PROSER2: variants seen among roughly 807,000 people sequenced by gnomAD.
The protein encoded by PROSER2 is proline and serine rich 2.
In PROSER2, 18 loss-of-function variants were observed where a neutral mutation model predicts 14.6. The observed-to-expected ratio is 1.23, with a 90% CI of 0.85 to 1.83. PROSER2 has a LOEUF of 1.83. Among genes scored for constraint, PROSER2 ranks in the 40% most tolerant of loss-of-function variants. PROSER2 has a pLI of 0.00. For missense variants in PROSER2, 823 were observed against 629.8 expected (o/e 1.31, Z -3.28); for synonymous variants, 367 against 286.4 (o/e 1.28, Z -2.84).
chr10:11,830,982 A>G lies in PROSER2; in HGVS notation c.-82+7512A>G, dbSNP rs1833682903. Among the ~76,000 whole-genome samples, 1 of 152,152 alleles carries G rather than the reference A, an allele frequency of 6.6e-6. No individual in the cohort carries two copies. Among genetic ancestry groups the G allele is most frequent in the Non-Finnish European group, 1.5e-5 (1 of 68,036 alleles). On this transcript the variant is annotated intron_variant, in intron 1 of 3. Transcript: ENST00000277570. This position sits in a 1 kb window ranked among gnomAD's most constrained non-coding sequence, Gnocchi z 4.5. ...CATCCATCATCTGGCTCGCAAAGGG[A>G]CTGGTGGAAGATGAGGTTAAAAGTT...
At chr10:11,854,298 C>G (rs906096808) in intron 2 of PROSER2, among the ~76,000 whole-genome samples, 5 of 152,168 alleles carry the variant, frequency 3.3e-5, no homozygotes, top group Non-Finnish European at 7.3e-5. Flanking sequence ...TAAATGACAA[C>G]TAAAGTGGTT....
intron 2 of PROSER2, among the ~76,000 whole-genome samples, chr10:11,864,388 C>G (rs1013515160): frequency 3.3e-5 from 5 of 152,102 alleles, no homozygotes; most frequent in Non-Finnish European, 7.4e-5. Flanking sequence ...TAATTAGATT[C>G]ACCAATTTTT....
intron 1 of PROSER2, chr10:11,851,348 C>T (rs1279115580): frequency 6.6e-6 from 1 of 152,178 alleles, no homozygotes; most frequent in South Asian, 2.1e-4. Context: ...ACCTGGGGTA[C>T]TTTACTTTTG....
At position 11,870,207 on chromosome 10, in the gene PROSER2, C is replaced by G; in HGVS notation, c.1109C>G (p.Pro370Arg). The change falls in exon 4 of 4, where the codon CCT (proline) becomes CGT (arginine). Residue 370 changes from proline (P) to arginine (R), a missense_variant. Physicochemically the swap from Pro to Arg is moderately radical, Grantham distance 103 (BLOSUM62 -2). Coordinates refer to ENST00000277570, the MANE Select transcript of PROSER2 (RefSeq NM_153256.4). ...APAGKSLCFR[P>R]GPALPSTRAR... ...GCTGGGAAGTCCCTCTGCTTCCGCC[C>G]TGGCCCGGCCCTGCCCAGCACGCGG... 1.3e-6 allele frequency: 2 copies of G among 1,490,678 alleles called. No individual in the cohort carries two copies. The highest frequency in any genetic ancestry group is 1.8e-6 in the Non-Finnish European group (2 of 1,127,438). The allele number at this position is 1,490,678 out of a possible 1,614,324, so 92.3% of individuals were successfully genotyped here.
At chr10:11,844,179 A>G (rs1484668710) in intron 1 of PROSER2, among the ~76,000 whole-genome samples, 1 of 152,078 alleles carries the variant, frequency 6.6e-6, no homozygotes, top group Admixed American at 6.6e-5. Flanking sequence ...TCTTATAGAG[A>G]TAAGGTCTCA....
intron 2 of PROSER2, among the ~76,000 whole-genome samples, chr10:11,855,515 G>A (rs941753089): frequency 2.6e-5 from 4 of 151,090 alleles, no homozygotes; most frequent in African/African-American, 7.3e-5. Context: ...AAAGATGAAC[G>A]CCTGATTTTA....
intron 2 of PROSER2, among the ~76,000 whole-genome samples, chr10:11,855,473 CAAA>C (rs71380787): frequency 7.8e-5 from 8 of 102,642 alleles, no homozygotes; most frequent in Non-Finnish European, 7.8e-5. Flanking sequence ...GACTCCATCT[CAAA>C]AAAAAAAAAA....
At chr10:11,864,448 GCA>G (rs935632210) in intron 2 of PROSER2, among the ~76,000 whole-genome samples, 1 of 151,964 alleles carries the variant, frequency 6.6e-6, no homozygotes, top group Non-Finnish European at 1.5e-5. Context: ...CACAACACAC[GCA>G]CACTTTATTT....
Position 11,869,199 on chromosome 10 carries a change from C to T in PROSER2, c.392-291C>T, listed in dbSNP as rs772104537. ...CACTACTTGCGTCCTGTCCCAGCCT[C>T]AGGGGCTGGAGCCTCAGCAGCCCAC... is the stretch of plus-strand genomic sequence containing the variant. On this transcript the variant is annotated intron_variant, in intron 3 of 3. Coordinates refer to ENST00000277570, the MANE Select transcript of PROSER2 (RefSeq NM_153256.4). This position sits in a 1 kb window ranked among gnomAD's most constrained non-coding sequence, Gnocchi z 4.4. Among the ~76,000 whole-genome samples the T allele has an allele frequency of 2.8e-4, 43 of 152,200 alleles. No individual in the cohort carries two copies. The highest frequency in any genetic ancestry group is 1.0e-4 in the Non-Finnish European group (7 of 68,038).
chr10:11,867,312 G>A (rs948606829), intron 3 of PROSER2, among the ~76,000 whole-genome samples: 4 of 148,394 alleles, frequency 2.7e-5, no homozygotes, highest in Admixed American at 2.7e-4. Flanking sequence ...CATAAGCAGA[G>A]TTTACATTTT....
At chr10:11,859,679 C>G (rs1834197098) in intron 2 of PROSER2, among the ~76,000 whole-genome samples, 1 of 152,220 alleles carries the variant, frequency 6.6e-6, no homozygotes, top group Non-Finnish European at 1.5e-5. Context: ...CTCCCGCCTC[C>G]AAGGACCACC....
rs149062305 is a variant in PROSER2, at chr10:11,867,074, C to T, written c.391+291C>T. On this transcript the variant is annotated intron_variant, in intron 3 of 3. Coordinates refer to ENST00000277570, the MANE Select transcript of PROSER2 (RefSeq NM_153256.4). The stretch of plus-strand genomic sequence containing the variant: ...GGTCAGGAGATTGAGACCATCCTGA[C>T]TAACACAGTGAAACCCCGTCTCTAC... Among the ~76,000 whole-genome samples, 799 of 151,930 alleles carry T rather than the reference C, an allele frequency of 5.3e-3. 11 individuals are homozygous for T. The highest frequency in any genetic ancestry group is 0.018 in the African/African-American group (761 of 41,444).
At chr10:11,855,310 A>G (rs1379157945) in intron 2 of PROSER2, among the ~76,000 whole-genome samples, 1 of 150,860 alleles carries the variant, frequency 6.6e-6, no homozygotes, top group East Asian at 2.0e-4. Context: ...CGTCTCTACT[A>G]AAAATACAAA....
At chr10:11,855,402 AG>A (rs1247707248) in intron 2 of PROSER2, among the ~76,000 whole-genome samples, 2 of 146,758 alleles carry the variant, frequency 1.4e-5, no homozygotes, top group Non-Finnish European at 3.0e-5. Flanking sequence ...TGAACCCGGG[AG>A]GCGGAGCTTG....
rs1245315705 is a variant in PROSER2, at chr10:11,838,892, C to A, written c.-81-13105C>A. Among the ~76,000 whole-genome samples, 1 of 152,136 alleles carries A rather than the reference C, an allele frequency of 6.6e-6. No individual in the cohort carries two copies. Among genetic ancestry groups the A allele is most frequent in the Non-Finnish European group, 1.5e-5 (1 of 68,024 alleles). On this transcript the variant is annotated intron_variant, in intron 1 of 3. Coordinates refer to ENST00000277570, the MANE Select transcript of PROSER2 (RefSeq NM_153256.4). The surrounding 1 kb of genome is among the most constrained non-coding windows in gnomAD (Gnocchi z 4.4). ...ATATTCTAGCTATCAATTCCTTATA[C>A]GTATTAGACATAGTACATATCTTCT...
At position 11,869,957 on chromosome 10, in the gene PROSER2, GCCA is replaced by G; in HGVS notation, c.863_865del (p.Thr288del). Reference sequence around the variant, plus strand: ...GCAGGAGCGCAGGGCGCAGGTGTTGGCCACCATCCACGGCCACGCCGGCGCCTT... The same window carrying G: ...GCAGGAGCGCAGGGCGCAGGTGTTGGCCATCCACGGCCACGCCGGCGCCTT... On this transcript the variant is annotated inframe_deletion, in exon 4 of 4. Coordinates refer to ENST00000277570, the MANE Select transcript of PROSER2 (RefSeq NM_153256.4). The surrounding 1 kb of genome is among the most constrained non-coding windows in gnomAD (Gnocchi z 4.4). 1 of 1,444,180 alleles carries G rather than the reference GCCA, an allele frequency of 6.9e-7. No individual in the cohort carries two copies. The highest frequency in any genetic ancestry group is 1.5e-5 in the African/African-American group (1 of 66,808). The allele number at this position is 1,444,180 out of a possible 1,614,324, so 89.5% of individuals were successfully genotyped here. A position where few individuals can be genotyped will look rare whatever the true frequency, so the allele number is the denominator to read the frequency against.
At chr10:11,868,630 GGTTTTTT>G (rs747062498) in intron 3 of PROSER2, among the ~76,000 whole-genome samples, 12 of 146,338 alleles carry the variant, frequency 8.2e-5, no homozygotes, top group East Asian at 5.9e-4. Flanking sequence ...ATGAATTTCA[GGTTTTTT>G]GTTTTTTGTT....
intron 1 of PROSER2, chr10:11,849,583 G>A (rs1833982290): frequency 6.6e-6 from 1 of 152,246 alleles, no homozygotes; most frequent in African/African-American, 2.4e-5. Context: ...AGGAAGATGG[G>A]GTTCAGATGG....
At chr10:11,845,537 A>G (rs1374289180) in intron 1 of PROSER2, among the ~76,000 whole-genome samples, 2 of 152,306 alleles carry the variant, frequency 1.3e-5, no homozygotes, top group Middle Eastern at 3.4e-3. Flanking sequence ...GGAAAGTTTA[A>G]TACTTAGATT....
Sources: allele counts gnomAD v4.1 joint callset (sites outside exome capture counted in the v4.1 genomes callset), GRCh38; gene constraint gnomAD v4.1.1; non-coding constraint Gnocchi (gnomAD v3.1); transcripts MANE v1.5; gene names NCBI Gene and HGNC (gene_info 2026-07-23, HGNC 2026-07-21).